ZMAT4: variants seen among roughly 807,000 people sequenced by gnomAD.
ZMAT4 encodes zinc finger matrin-type 4.
In ZMAT4, 17 loss-of-function variants were observed where a neutral mutation model predicts 28.7. That is an observed-to-expected ratio of 0.59 (90% confidence interval 0.41 to 0.89). The LOEUF is 0.89. Among genes scored for constraint, ZMAT4 ranks in the 40% least tolerant of loss-of-function variants. ZMAT4 has a pLI of 0.00. For synonymous variants in ZMAT4, 117 were observed against 109.2 expected (o/e 1.07, Z -0.44); for missense variants, 240 against 283.8 (o/e 0.85, Z 1.11).
Position 40,805,037 on chromosome 8 carries a change from G to T in ZMAT4, c.102+20538C>A, listed in dbSNP as rs1201423872. 2.7e-5 allele frequency among the ~76,000 whole-genome samples: 4 copies of T among 149,670 alleles called. No individual in the cohort carries two copies. In the East Asian group the frequency reaches 5.9e-4, roughly 22 times the overall value. ...ACCTACAAAATGGGAGAAAATTTTC[G>T]CAACCTACTCATCTGACAAAGGGCT... On this transcript the variant is annotated intron_variant, in intron 2 of 6. Coordinates refer to ENST00000297737, the MANE Select transcript of ZMAT4 (RefSeq NM_024645.3).
intron 6 of ZMAT4, among the ~76,000 whole-genome samples, chr8:40,549,165 C>A (rs1166035769): frequency 6.6e-6 from 1 of 152,096 alleles, no homozygotes; most frequent in African/African-American, 2.4e-5. Context: ...AAGGAATGGG[C>A]CCTCACCAGA....
intron 5 of ZMAT4, among the ~76,000 whole-genome samples, chr8:40,616,613 A>G (rs1011819699): frequency 6.6e-6 from 1 of 152,172 alleles, no homozygotes; most frequent in Non-Finnish European, 1.5e-5. Flanking sequence ...GGAAATCATC[A>G]TTCTGAGCAA....
At chr8:40,766,551 T>A (rs1197977785) in intron 3 of ZMAT4, among the ~76,000 whole-genome samples, 2 of 152,224 alleles carry the variant, frequency 1.3e-5, no homozygotes, top group Non-Finnish European at 2.9e-5. Context: ...TGCAAAGTTT[T>A]CAAGACATCT....
At chr8:40,675,524 A>C (rs1808873670) in intron 4 of ZMAT4, among the ~76,000 whole-genome samples, 1 of 152,222 alleles carries the variant, frequency 6.6e-6, no homozygotes, top group Admixed American at 6.5e-5. Flanking sequence ...TATTGGATAA[A>C]ATGCAACTAA....
Position 40,530,760 on chromosome 8 carries a change from T to C in ZMAT4, c.*1463A>G, listed in dbSNP as rs1386630697. The C allele has an allele frequency of 6.6e-6, 1 of 152,594 alleles. No individual in the cohort carries two copies. The highest frequency in any genetic ancestry group is 1.5e-5 in the Non-Finnish European group (1 of 68,046). The allele number at this position is 152,594 out of a possible 1,614,324, so 9.5% of individuals were successfully genotyped here. A position where few individuals can be genotyped will look rare whatever the true frequency, so the allele number is the denominator to read the frequency against. On this transcript the variant is annotated 3_prime_UTR_variant, in exon 7 of 7. Coordinates refer to ENST00000297737, the MANE Select transcript of ZMAT4 (RefSeq NM_024645.3). ...TCTTCCCATCCAACCCCCTTTCCTC[T>C]TGTAGAGTAGGGTGTGGCTCGTGGG...
intron 6 of ZMAT4, among the ~76,000 whole-genome samples, chr8:40,579,287 A>G (rs961724708): frequency 6.6e-6 from 1 of 152,118 alleles, no homozygotes; most frequent in Non-Finnish European, 1.5e-5. Context: ...CATGCTCCCA[A>G]AAAGTTATCT....
intron 2 of ZMAT4, among the ~76,000 whole-genome samples, chr8:40,819,914 C>G (rs963778770): frequency 6.6e-6 from 1 of 151,056 alleles, no homozygotes; most frequent in Non-Finnish European, 1.5e-5. Flanking sequence ...TTTATATGTT[C>G]ATATATATAT....
At chr8:40,659,553 C>T (rs1808093588) in intron 5 of ZMAT4, among the ~76,000 whole-genome samples, 1 of 151,994 alleles carries the variant, frequency 6.6e-6, no homozygotes, top group African/African-American at 2.4e-5. Flanking sequence ...TTTTTGTGGT[C>T]CCAGGGTAGG....
chr8:40,886,467 G>C (rs1206010460), intron 1 of ZMAT4, among the ~76,000 whole-genome samples: 1 of 152,218 alleles, frequency 6.6e-6, no homozygotes, highest in Non-Finnish European at 1.5e-5. Flanking sequence ...GCACAGGCTT[G>C]GAGTCGCCCA....
intron 5 of ZMAT4, among the ~76,000 whole-genome samples, chr8:40,610,941 T>TG (rs1805772473): frequency 1.2e-5 from 1 of 82,632 alleles, no homozygotes; most frequent in Non-Finnish European, 2.0e-5. Context: ...TTTTGCATTT[T>TG]TTTTTTTTTG....
At chr8:40,834,473 C>T (rs2150620742) in intron 1 of ZMAT4, among the ~76,000 whole-genome samples, 1 of 152,244 alleles carries the variant, frequency 6.6e-6, no homozygotes, top group South Asian at 2.1e-4. Flanking sequence ...ACCAAATGGC[C>T]TCTGCTTAAG....
intron 5 of ZMAT4, among the ~76,000 whole-genome samples, chr8:40,660,837 C>A (rs1308103175): frequency 1.3e-5 from 2 of 152,174 alleles, no homozygotes; most frequent in South Asian, 2.1e-4. Context: ...TCTTTCTTTA[C>A]CTTATCTCTA....
intron 6 of ZMAT4, among the ~76,000 whole-genome samples, chr8:40,555,352 C>T (rs968664248): frequency 1.3e-5 from 2 of 152,158 alleles, no homozygotes; most frequent in African/African-American, 4.8e-5. Flanking sequence ...ATTTCTAGAT[C>T]ATATGGTAGT....
chr8:40,611,959 A>G (rs1805812931), intron 5 of ZMAT4, among the ~76,000 whole-genome samples: 5 of 152,020 alleles, frequency 3.3e-5, no homozygotes, highest in Admixed American at 3.3e-4. Context: ...TTGTGATCAG[A>G]CCCCCACTGT....
At chr8:40,553,343 A>G (rs914925389) in intron 6 of ZMAT4, among the ~76,000 whole-genome samples, 2 of 152,186 alleles carry the variant, frequency 1.3e-5, no homozygotes, top group Non-Finnish European at 2.9e-5. Context: ...GTTTTCGGGT[A>G]ATTTCTTATA....
intron 5 of ZMAT4, among the ~76,000 whole-genome samples, chr8:40,591,106 A>G (rs1804878090): frequency 6.6e-6 from 1 of 152,150 alleles, no homozygotes; most frequent in Non-Finnish European, 1.5e-5. Context: ...TTCAAGCTCC[A>G]GCCTATCAAC....
At chr8:40,563,730 A>C (rs1803822112) in intron 6 of ZMAT4, among the ~76,000 whole-genome samples, 1 of 151,960 alleles carries the variant, frequency 6.6e-6, no homozygotes, top group South Asian at 2.1e-4. Context: ...TCCACCTCCA[A>C]CTCTCTTTTT....
In ZMAT4 at chr8:40,618,168, A is replaced by C. The variant is rs116142810; in HGVS notation, c.578-36907T>G. On this transcript the variant is annotated intron_variant, in intron 5 of 6. Transcript: ENST00000297737. The stretch of plus-strand genomic sequence containing the variant: ...CCAACCCTAGGAAGAGCACCATCTT[A>C]ATATGACTTTTCAGACTCAATATTT... Among the ~76,000 whole-genome samples the C allele has an allele frequency of 3.1e-3, 478 of 152,338 alleles. 2 individuals are homozygous for C. The highest frequency in any genetic ancestry group is 0.011 in the African/African-American group (455 of 41,570).
intron 1 of ZMAT4, among the ~76,000 whole-genome samples, chr8:40,862,222 A>G (rs1817519671): frequency 1.3e-5 from 2 of 152,162 alleles, no homozygotes. Context: ...CATATACACC[A>G]TGGAATACTA....
Sources: gnomAD v4.1 joint callset for allele counts (sites outside exome capture counted in the v4.1 genomes callset) on GRCh38, gnomAD v4.1.1 for gene constraint, MANE v1.5 for transcripts, NCBI Gene and HGNC (gene_info 2026-07-23, HGNC 2026-07-21) for gene names.